Variants in ARMC8 observed in about 807,000 individuals in gnomAD.
ARMC8 encodes armadillo repeat-containing protein 8.
In ARMC8, 20 loss-of-function variants were observed where a neutral mutation model predicts 99.3. That is an observed-to-expected ratio of 0.20 (90% confidence interval 0.14 to 0.29). The LOEUF is 0.29. ARMC8 is among the 10% of genes least tolerant of loss of function. ARMC8 has a pLI of 1.00. For missense variants in ARMC8, 569 were observed against 809.5 expected, an observed-to-expected ratio of 0.70 and a Z score of 3.60; for synonymous variants, 263 against 278.3, an observed-to-expected ratio of 0.95 and a Z score of 0.55.
At chr3:138,285,827 G>A (rs576833638) in intron 19 of ARMC8, among the ~76,000 whole-genome samples, 28 of 152,140 alleles carry the variant, frequency 1.8e-4, no homozygotes, top group African/African-American at 6.0e-4. Context: ...CTTCAACCAG[G>A]GATTCCCTTA....
In ARMC8 at chr3:138,295,928, T is replaced by A; in HGVS notation, c.*36T>A. 6.2e-7 allele frequency: 1 copy of A among 1,610,148 alleles called. No individual in the cohort carries two copies. Among genetic ancestry groups the A allele is most frequent in the East Asian group, 2.2e-5 (1 of 44,722 alleles). ...CCTGGGCACCTGCGAGCATCCCACC[T>A]CCTTGTTTAAGGAAGTACAGGAACC... On this transcript the variant is annotated 3_prime_UTR_variant, in exon 22 of 22. Coordinates refer to ENST00000469044, the MANE Select transcript of ARMC8 (RefSeq NM_001363941.2).
At chr3:138,246,781 T>G in intron 12 of ARMC8, 1 of 984,576 alleles carries the variant, frequency 1.0e-6, no homozygotes, top group Non-Finnish European at 1.2e-6. Context: ...TAATCAGTAG[T>G]CTATTAAAAC....
Position 138,263,972 on chromosome 3 carries a change from G to C in ARMC8, c.1217+151G>C, listed in dbSNP as rs77985911. 1.8e-3 allele frequency: 1,678 copies of C among 954,072 alleles called. 18 individuals are homozygous for C. The African/African-American group carries it at 0.024, about 14-fold the overall frequency. The allele number at this position is 954,072 out of a possible 1,614,324, so 59.1% of individuals were successfully genotyped here. Reference sequence around the variant, plus strand: ...AGAGTATATAACATTGTCTAACAGAGAGCCTGGCCTCCAAACCCCATAAAG... The same window carrying C: ...AGAGTATATAACATTGTCTAACAGACAGCCTGGCCTCCAAACCCCATAAAG... On this transcript the variant is annotated intron_variant, in intron 13 of 21. Coordinates refer to ENST00000469044, the MANE Select transcript of ARMC8 (RefSeq NM_001363941.2).
chr3:138,293,239 T>C (rs1389780666), intron 21 of ARMC8, among the ~76,000 whole-genome samples: 1 of 152,158 alleles, frequency 6.6e-6, no homozygotes, highest in African/African-American at 2.4e-5. Context: ...TACCATCCTG[T>C]AGGCTAAAGA....
At chr3:138,228,618 CTGT>C (rs1200067663) in intron 5 of ARMC8, 1 of 454,854 alleles carries the variant, frequency 2.2e-6, no homozygotes, top group East Asian at 6.5e-5. Flanking sequence ...GAACTGATTT[CTGT>C]CACTTCTTAT....
chr3:138,202,191 T>C (rs113219300), intron 1 of ARMC8, among the ~76,000 whole-genome samples: 57 of 152,368 alleles, frequency 3.7e-4, no homozygotes, highest in African/African-American at 1.3e-3. Context: ...TGTGGACTAA[T>C]TGACATGTTA....
intron 13 of ARMC8, 25 bp downstream of exon 13, chr3:138,263,846 A>G: frequency 6.2e-7 from 1 of 1,602,364 alleles, no homozygotes; most frequent in Non-Finnish European, 8.6e-7. Flanking sequence ...TGGTCTGAAT[A>G]AAAACCTTTT....
intron 6 of ARMC8, among the ~76,000 whole-genome samples, chr3:138,233,042 C>T (rs192369382): frequency 1.1e-4 from 17 of 152,120 alleles, no homozygotes; most frequent in Non-Finnish European, 2.4e-4. Context: ...AAAAAAGGGT[C>T]GAATCCTTAC....
intron 13 of ARMC8, 68 bp from the exon 14 acceptor site, chr3:138,264,063 C>A: frequency 7.0e-7 from 1 of 1,425,012 alleles, no homozygotes; most frequent in Non-Finnish European, 9.9e-7. Flanking sequence ...TTGTAAAATG[C>A]CAGCCAGTTT....
chr3:138,217,242 T>C (rs1478934746), intron 2 of ARMC8, among the ~76,000 whole-genome samples: 2 of 152,166 alleles, frequency 1.3e-5, no homozygotes, highest in Non-Finnish European at 2.9e-5. Flanking sequence ...CTGTAATTGA[T>C]TTTTTAGCTT....
chr3:138,252,168 A>G (rs1463823891), intron 12 of ARMC8, among the ~76,000 whole-genome samples: 2 of 152,212 alleles, frequency 1.3e-5, no homozygotes, highest in Non-Finnish European at 2.9e-5. Context: ...TGTAGCTTGC[A>G]AGATAAAATT....
At chr3:138,221,276 T>A (rs560893280) in intron 2 of ARMC8, among the ~76,000 whole-genome samples, 1 of 152,358 alleles carries the variant, frequency 6.6e-6, no homozygotes, top group Non-Finnish European at 1.5e-5. Flanking sequence ...AACAATGTAT[T>A]ATGTTGTTTC....
At chr3:138,226,359 C>A (rs1559953129) in intron 5 of ARMC8, among the ~76,000 whole-genome samples, 1 of 152,188 alleles carries the variant, frequency 6.6e-6, no homozygotes, top group Admixed American at 6.5e-5. Context: ...CCTCATAAAT[C>A]TATAGAGTGT....
intron 1 of ARMC8, among the ~76,000 whole-genome samples, chr3:138,193,566 A>G (rs2043519610): frequency 6.6e-6 from 1 of 152,196 alleles, no homozygotes; most frequent in Admixed American, 6.5e-5. Flanking sequence ...GTGCCCAGCC[A>G]AAAGCTCTTT....
rs1291423511 is a variant in ARMC8, at chr3:138,298,272, T to C, written c.*2380T>C. ...AGAATGTCCAATTTAATAAGTTGCA[T>C]TTTTTTTTCTTTAAGCACTTTATTC... is the stretch of plus-strand genomic sequence containing the variant. On this transcript the variant is annotated 3_prime_UTR_variant, in exon 22 of 22. Coordinates refer to ENST00000469044, the MANE Select transcript of ARMC8 (RefSeq NM_001363941.2). 1 of 151,616 alleles carries C rather than the reference T, an allele frequency of 6.6e-6. No homozygotes were observed. The highest frequency in any genetic ancestry group is 1.5e-5 in the Non-Finnish European group (1 of 67,924). 9.4% of individuals were successfully genotyped at this position (151,616 alleles called of 1,614,324 possible). A position where few individuals can be genotyped will look rare whatever the true frequency, so the allele number is the denominator to read the frequency against.
chr3:138,199,438 G>A (rs2043926411), intron 1 of ARMC8, among the ~76,000 whole-genome samples: 1 of 152,164 alleles, frequency 6.6e-6, no homozygotes, highest in Non-Finnish European at 1.5e-5. Context: ...CATGATAGCT[G>A]TCTCCAAGTA....
chr3:138,198,538 T>C (rs1020354369), intron 1 of ARMC8, among the ~76,000 whole-genome samples: 7 of 151,498 alleles, frequency 4.6e-5, no homozygotes, highest in Non-Finnish European at 7.4e-5. Context: ...TTGAGACAGA[T>C]TCTCACTCTT....
intron 5 of ARMC8, among the ~76,000 whole-genome samples, chr3:138,227,090 T>C (rs2045735753): frequency 6.6e-6 from 1 of 152,100 alleles, no homozygotes; most frequent in African/African-American, 2.4e-5. Context: ...AGAGATGGGG[T>C]AGGTAGTCCA....
chr3:138,239,443 CTT>C, intron 9 of ARMC8, 23 bp from the exon 10 acceptor site: 1 of 1,560,076 alleles, frequency 6.4e-7, no homozygotes, highest in East Asian at 2.3e-5. Context: ...CAAGCAAAAA[CTT>C]ATTTTCTGCT....
Sources: gnomAD v4.1 joint callset for allele counts (sites outside exome capture counted in the v4.1 genomes callset) on GRCh38, gnomAD v4.1.1 for gene constraint, MANE v1.5 for transcripts, NCBI Gene and HGNC (gene_info 2026-07-23, HGNC 2026-07-21) for gene names.